The following PCDHA11 variants were observed in gnomAD, a reference collection of about 807,000 sequenced individuals.
PCDHA11 encodes protocadherin alpha 11, also known as protocadherin alpha-11.
Under a neutral mutation model 70.3 loss-of-function variants are expected in PCDHA11, and 61 were observed. The ratio of observed to expected loss-of-function variants is 0.87; its 90% CI spans 0.71 to 1.07. The LOEUF (loss-of-function observed/expected upper bound fraction) is 1.07, where lower values mean the gene tolerates loss of function less well. PCDHA11 is among the 50% of genes least tolerant of loss of function. PCDHA11 has a pLI of 0.00. For missense variants in PCDHA11, 1,324 were observed against 1,237.5 expected (o/e 1.07, Z -1.05); for synonymous variants, 633 against 555.1 (o/e 1.14, Z -1.97).
chr5:140,982,677 C>T, intron 3 of PCDHA11, 114 bp downstream of exon 3: 1 of 1,439,238 alleles, frequency 6.9e-7, no homozygotes, highest in Non-Finnish European at 9.1e-7. Flanking sequence ...TTTTGTTATT[C>T]CCTTTTTTCC....
intron 1 of PCDHA11, chr5:140,877,037 C>G: frequency 6.2e-7 from 1 of 1,612,492 alleles, no homozygotes; most frequent in Non-Finnish European, 8.5e-7. Flanking sequence ...GCGCTGCAGC[C>G]GCTAGACCAC....
rs781892888 is a variant in PCDHA11, at chr5:140,967,565, C to T, written c.2392-11384C>T. Reference sequence around the variant, plus strand: ...CCAGTCCACTTATCGCGTCCAGCTACGGGAGGACTCACCCCCAGGCACATT... The same window carrying T: ...CCAGTCCACTTATCGCGTCCAGCTATGGGAGGACTCACCCCCAGGCACATT... On this transcript the variant is annotated intron_variant, in intron 1 of 3. Transcript: ENST00000398640. The T allele has an allele frequency of 3.1e-6, 5 of 1,614,080 alleles. No individual in the cohort carries two copies. The highest frequency in any genetic ancestry group is 2.7e-5 in the African/African-American group (2 of 75,044).
intron 3 of PCDHA11, among the ~76,000 whole-genome samples, chr5:141,001,157 A>T (rs1554258022): frequency 6.6e-6 from 1 of 152,136 alleles, no homozygotes; most frequent in African/African-American, 2.4e-5. Flanking sequence ...TGATCTTAAT[A>T]AGTAAAATTT....
intron 1 of PCDHA11, among the ~76,000 whole-genome samples, chr5:140,896,083 T>G (rs1202809868): frequency 6.6e-6 from 1 of 152,184 alleles, no homozygotes; most frequent in African/African-American, 2.4e-5. Context: ...CATGCTGGGA[T>G]TACAGGCGTG....
intron 1 of PCDHA11, among the ~76,000 whole-genome samples, chr5:140,874,733 A>G (rs929245096): frequency 6.6e-6 from 1 of 152,244 alleles, no homozygotes; most frequent in Non-Finnish European, 1.5e-5. Context: ...TATCACATTC[A>G]AGCATCAAGG....
intron 1 of PCDHA11, chr5:140,876,770 C>T (rs2056573777): frequency 6.2e-7 from 1 of 1,614,248 alleles, no homozygotes; most frequent in Non-Finnish European, 8.5e-7. Context: ...GGGGGCTCGC[C>T]TTCGCTGTGG....
intron 1 of PCDHA11, chr5:140,928,370 C>T (rs2085193734): frequency 6.2e-7 from 1 of 1,614,062 alleles, no homozygotes; most frequent in South Asian, 1.1e-5. Context: ...GAAGGGCCAT[C>T]AGCCTCTAGC....
intron 1 of PCDHA11, among the ~76,000 whole-genome samples, chr5:140,909,031 A>G (rs782567758): frequency 7.9e-5 from 12 of 152,106 alleles, no homozygotes; most frequent in Non-Finnish European, 1.6e-4. Flanking sequence ...TTAGTCATTT[A>G]TTTTCCATAC....
intron 1 of PCDHA11, chr5:140,927,723 A>G: frequency 6.2e-7 from 1 of 1,614,220 alleles, no homozygotes; most frequent in Non-Finnish European, 8.5e-7. Context: ...ACAGCACGCA[A>G]GCAGAGCTGC....
chr5:140,968,798 G>A, intron 1 of PCDHA11: 3 of 1,614,232 alleles, frequency 1.9e-6, no homozygotes, highest in Non-Finnish European at 2.5e-6. Context: ...GGCCATTACA[G>A]TAGCTGTGGT....
At chr5:140,897,339 C>G (rs1373496877) in intron 1 of PCDHA11, among the ~76,000 whole-genome samples, 14 of 121,352 alleles carry the variant, frequency 1.2e-4, no homozygotes, top group African/African-American at 4.4e-4. Context: ...CCCCCTCCCC[C>G]CACCCCACAA....
intron 1 of PCDHA11, among the ~76,000 whole-genome samples, chr5:140,904,216 ATTG>A (rs2070958692): frequency 6.6e-6 from 1 of 151,842 alleles, no homozygotes; most frequent in East Asian, 1.9e-4. Flanking sequence ...CCCAAAGTCC[ATTG>A]TATTATACTT....
In PCDHA11 at chr5:140,922,291, T is replaced by A. The variant is rs951080588; in HGVS notation, c.2391+50797T>A. ...AGATTGGACCAAGATATGAAAATGC[T>A]AGGAGAGGATACCTTTCACTGAAGA... On this transcript the variant is annotated intron_variant, in intron 1 of 3. Coordinates refer to ENST00000398640, the MANE Select transcript of PCDHA11 (RefSeq NM_018902.5). Among the ~76,000 whole-genome samples, 38 of 152,228 alleles carry A rather than the reference T, an allele frequency of 2.5e-4. 1 individual carries two copies. The highest frequency in any genetic ancestry group is 1.5e-5 in the Non-Finnish European group (1 of 68,048).
intron 1 of PCDHA11, among the ~76,000 whole-genome samples, chr5:140,923,821 G>A (rs1009668330): frequency 1.3e-5 from 2 of 152,148 alleles, no homozygotes; most frequent in African/African-American, 2.4e-5. Flanking sequence ...GAAAATAGAC[G>A]TCAGTGGCAG....
At chr5:140,923,275 C>CA (rs1328074482) in intron 1 of PCDHA11, among the ~76,000 whole-genome samples, 5 of 152,128 alleles carry the variant, frequency 3.3e-5, no homozygotes, top group African/African-American at 9.7e-5. Flanking sequence ...CTTGTCTCTA[C>CA]AAAAAATTAA....
chr5:140,953,553 C>T (rs1364050066), intron 1 of PCDHA11, among the ~76,000 whole-genome samples: 1 of 152,060 alleles, frequency 6.6e-6, no homozygotes, highest in East Asian at 1.9e-4. Flanking sequence ...TTCTTTTCTC[C>T]AAGTTTTAGT....
At chr5:140,997,465 A>G (rs1427334533) in intron 3 of PCDHA11, among the ~76,000 whole-genome samples, 1 of 152,182 alleles carries the variant, frequency 6.6e-6, no homozygotes, top group Non-Finnish European at 1.5e-5. Flanking sequence ...ACTGTAGGCA[A>G]TTTTTACACA....
At chr5:140,958,104 T>C (rs1554223331) in intron 1 of PCDHA11, among the ~76,000 whole-genome samples, 1 of 151,916 alleles carries the variant, frequency 6.6e-6, no homozygotes, top group Admixed American at 6.6e-5. Flanking sequence ...GTGTGTAGAG[T>C]GTGGTTCCAT....
intron 1 of PCDHA11, chr5:140,969,437 T>C (rs1429370144): frequency 1.8e-5 from 28 of 1,547,818 alleles, no homozygotes; most frequent in Non-Finnish European, 2.4e-5. Context: ...ACAAGAGTTA[T>C]CTGGTAAACT....
Sources: gnomAD v4.1 joint callset for allele counts (sites outside exome capture counted in the v4.1 genomes callset) on GRCh38, gnomAD v4.1.1 for gene constraint, MANE v1.5 for transcripts, NCBI Gene and HGNC (gene_info 2026-07-23, HGNC 2026-07-21) for gene names.